The following SRCIN1 variants were observed in gnomAD, a reference collection of about 807,000 sequenced individuals.
SRCIN1 encodes P130Cas-associated protein.
A neutral mutation model predicts 116.2 loss-of-function variants in SRCIN1; 50 were observed. The observed-to-expected ratio is 0.43, with a 90% CI of 0.34 to 0.54. SRCIN1 has a LOEUF of 0.54. SRCIN1 is among the 20% of genes least tolerant of loss of function. The pLI is 0.02. For synonymous variants in SRCIN1, 736 were observed against 750.0 expected, an observed-to-expected ratio of 0.98 and a Z score of 0.30; for missense variants, 1,446 against 1,672.0, an observed-to-expected ratio of 0.86 and a Z score of 2.36.
Position 38,586,503 on chromosome 17 carries a change from G to A in SRCIN1, c.23-7712C>T, listed in dbSNP as rs146508955. On this transcript the variant is annotated intron_variant, in intron 1 of 18. Transcript: ENST00000617146. ...AGGGAAACTGAGGCTCAGGGAGGTC[G>A]AGTGATCTAATCTGAGTCACCACAT... Among the ~76,000 whole-genome samples the A allele has an allele frequency of 3.7e-4, 57 of 152,344 alleles. 1 individual carries two copies. Among genetic ancestry groups the A allele is most frequent in the East Asian group, 7.7e-4 (4 of 5,182 alleles).
At chr17:38,580,055 G>A (rs530764194) in intron 1 of SRCIN1, among the ~76,000 whole-genome samples, 7 of 152,196 alleles carry the variant, frequency 4.6e-5, no homozygotes, top group South Asian at 2.1e-4. Context: ...ATGCACTCCC[G>A]CCCCCGTGTG....
At chr17:38,589,677 C>A (rs1908336050) in intron 1 of SRCIN1, among the ~76,000 whole-genome samples, 1 of 152,228 alleles carries the variant, frequency 6.6e-6, no homozygotes, top group African/African-American at 2.4e-5. Flanking sequence ...AGCGCCTCCA[C>A]CAGGGCGAGG....
chr17:38,547,216 C>T (rs546334740), intron 17 of SRCIN1, among the ~76,000 whole-genome samples: 249 of 152,308 alleles, frequency 1.6e-3, no homozygotes, highest in African/African-American at 5.5e-3. Context: ...AGGCTGTAGA[C>T]GAGCCTACCC....
At position 38,558,997 on chromosome 17, in the gene SRCIN1, A is replaced by G; in HGVS notation, c.2025+588T>C. ...CAAGCCTGAATGGCGGGGGTGGGCAAGATCTTACCCGTTGCCCAGATGGCA... is the reference window on the plus strand; with the variant it reads ...CAAGCCTGAATGGCGGGGGTGGGCAGGATCTTACCCGTTGCCCAGATGGCA... On this transcript the variant is annotated intron_variant, in intron 10 of 18. Transcript: ENST00000617146. This position sits in a 1 kb window ranked among gnomAD's most constrained non-coding sequence, Gnocchi z 4.6. 6.1e-6 allele frequency: 1 copy of G among 162,678 alleles called. No individual in the cohort carries two copies. Among genetic ancestry groups the G allele is most frequent in the Admixed American group, 6.1e-5 (1 of 16,444 alleles). 10.1% of individuals were successfully genotyped at this position (162,678 alleles called of 1,614,324 possible).
At position 38,576,262 on chromosome 17, in the gene SRCIN1, C is replaced by T. The variant is rs555321199; in HGVS notation, c.324+2228G>A. ...AAACTCCCTAACCCATGAAATTGGC[C>T]ATTACTTTACCACACCACGAGACAC... On this transcript the variant is annotated intron_variant, in intron 2 of 18. Coordinates refer to ENST00000617146, the MANE Select transcript of SRCIN1 (RefSeq NM_025248.3). Among the ~76,000 whole-genome samples, 5 of 152,226 alleles carry T rather than the reference C, an allele frequency of 3.3e-5. No homozygotes were observed. In the South Asian group the frequency reaches 1.0e-3, roughly 32 times the overall value.
Position 38,561,547 on chromosome 17 carries a change from G to A in SRCIN1, c.1616C>T (p.Pro539Leu). ...AGGCCCAGGGAAGAGCTCCGAAGGG[G>A]GAGCTCCGGCCGTCGAGGCGCTCCC... ...SAGSASTAGA[P>L]PSELFPGPGE... Residue 539 changes from proline (P) to leucine (L), a missense_variant, in exon 7 of 19, where the codon CCC becomes CTC. Pro to Leu is a moderately conservative substitution (Grantham distance 98, BLOSUM62 -3). Around this residue, in one of 5 missense-constraint regions of SRCIN1, gnomAD observed 398 missense variants for 385.6 expected, o/e 1.03. Coordinates refer to ENST00000617146, the MANE Select transcript of SRCIN1 (RefSeq NM_025248.3). 6.2e-7 allele frequency: 1 copy of A among 1,601,380 alleles called. No homozygotes were observed.
intron 1 of SRCIN1, among the ~76,000 whole-genome samples, chr17:38,594,040 AGGGT>A (rs1195920049): frequency 6.6e-6 from 1 of 152,222 alleles, no homozygotes; most frequent in African/African-American, 2.4e-5. Flanking sequence ...ATTCCAGAAA[AGGGT>A]GGGTGAAAGA....
intron 1 of SRCIN1, among the ~76,000 whole-genome samples, chr17:38,599,122 T>C (rs915019923): frequency 1.6e-4 from 24 of 152,154 alleles, no homozygotes; most frequent in Middle Eastern, 3.4e-3. Flanking sequence ...AAAGCAATAT[T>C]ATCTCAAGGG....
intron 1 of SRCIN1, among the ~76,000 whole-genome samples, chr17:38,595,272 C>T (rs1000139137): frequency 9.2e-5 from 14 of 152,084 alleles, no homozygotes; most frequent in African/African-American, 2.2e-4. Flanking sequence ...GGCTGGAGTG[C>T]GGTGGCGCAA....
In SRCIN1 at chr17:38,562,856, C is replaced by A; in HGVS notation, c.805G>T (p.Gly269Cys). The change falls in exon 6 of 19, where the codon GGC (glycine) becomes TGC (cysteine). Residue 269 changes from glycine to cysteine, a missense_variant. Physicochemically the swap from Gly to Cys is radical, Grantham distance 159. This residue lies in a region of SRCIN1 where 239 missense variants were observed against 317.7 expected (regional missense o/e 0.75). Coordinates refer to ENST00000617146, the MANE Select transcript of SRCIN1 (RefSeq NM_025248.3). This position sits in a 1 kb window ranked among gnomAD's most constrained non-coding sequence, Gnocchi z 4.2. ...RKEPLYAAFPGSHLTNGDLRR... is the reference protein window; with the variant it reads ...RKEPLYAAFPCSHLTNGDLRR... Reference sequence around the variant, plus strand: ...AGGTCCCCGTTGGTGAGATGTGAGCCAGGGAAGGCAGCGTAGAGGGGCTCC... The same window carrying A: ...AGGTCCCCGTTGGTGAGATGTGAGCAAGGGAAGGCAGCGTAGAGGGGCTCC... The A allele has an allele frequency of 6.2e-7, 1 of 1,613,796 alleles. No individual in the cohort carries two copies. Among genetic ancestry groups the A allele is most frequent in the Non-Finnish European group, 8.5e-7 (1 of 1,179,798 alleles).
intron 1 of SRCIN1, among the ~76,000 whole-genome samples, chr17:38,586,507 GATCTA>G (rs1416988674): frequency 6.6e-6 from 1 of 152,206 alleles, no homozygotes; most frequent in African/African-American, 2.4e-5. Context: ...GAGGTCGAGT[GATCTA>G]ATCTGAGTCA....
intron 11 of SRCIN1, among the ~76,000 whole-genome samples, chr17:38,556,699 G>T (rs1292753819): frequency 6.6e-6 from 1 of 152,204 alleles, no homozygotes; most frequent in Non-Finnish European, 1.5e-5. Flanking sequence ...GGAGGATGGA[G>T]AATCCTGCCA....
intron 1 of SRCIN1, among the ~76,000 whole-genome samples, chr17:38,603,081 C>T (rs1909150950): frequency 6.6e-6 from 1 of 152,220 alleles, no homozygotes; most frequent in Non-Finnish European, 1.5e-5. Context: ...CACCCTCTAG[C>T]TCTGACCACA....
Position 38,560,318 on chromosome 17 carries a change from G to A in SRCIN1, c.1793+15C>T, listed in dbSNP as rs769979913. ...CCCCTAGGCCCTGGCAGTGGTGTTGGGAGAGGGGCCTCACCTGGGGGTCTC... is the reference window on the plus strand; with the variant it reads ...CCCCTAGGCCCTGGCAGTGGTGTTGAGAGAGGGGCCTCACCTGGGGGTCTC... On this transcript the variant is annotated intron_variant, in intron 8 of 18. Transcript: ENST00000617146. 6 of 1,600,934 alleles carry A rather than the reference G, an allele frequency of 3.7e-6. No homozygotes were observed. Among genetic ancestry groups the A allele is most frequent in the Non-Finnish European group, 4.3e-6 (5 of 1,173,584 alleles).
chr17:38,568,194 A>G lies in SRCIN1; in HGVS notation c.345+17T>C. On this transcript the variant is annotated intron_variant, in intron 3 of 18. Transcript: ENST00000617146. This position sits in a 1 kb window ranked among gnomAD's most constrained non-coding sequence, Gnocchi z 4.5. ...GCACATGCAGTTGTCATGGGAGCAG[A>G]GGCATCACACACTGACCTTGAAACT... The G allele has an allele frequency of 6.2e-7, 1 of 1,613,140 alleles. No individual in the cohort carries two copies. Among genetic ancestry groups the G allele is most frequent in the Non-Finnish European group, 8.5e-7 (1 of 1,179,626 alleles).
rs560176332 is a variant in SRCIN1 at position 38,559,369 on chromosome 17, G to A, written c.2025+216C>T. 2.9e-5 allele frequency: 17 copies of A among 585,926 alleles called. No individual in the cohort carries two copies. In the South Asian group the frequency reaches 3.3e-4, roughly 11 times the overall value. The allele number at this position is 585,926 out of a possible 1,614,324, so 36.3% of individuals were successfully genotyped here. On this transcript the variant is annotated intron_variant, in intron 10 of 18. Transcript: ENST00000617146. ...GAGGGGGTCACGGGCGAGGGATAAG[G>A]CCTTGGTGAGGAAGTGGAGGTTCAG... is the stretch of plus-strand genomic sequence containing the variant.
At chr17:38,538,120 T>A (rs1904505238) in intron 18 of SRCIN1, among the ~76,000 whole-genome samples, 2 of 138,492 alleles carry the variant, frequency 1.4e-5, no homozygotes, top group South Asian at 2.3e-4. Context: ...AATAAATAAA[T>A]AAAAATAAAA....
intron 18 of SRCIN1, among the ~76,000 whole-genome samples, chr17:38,534,088 A>C (rs1478862540): frequency 6.6e-6 from 1 of 152,176 alleles, no homozygotes; most frequent in Non-Finnish European, 1.5e-5. Context: ...CCAGTTGGTA[A>C]CAGGAGGCTA....
Position 38,602,699 on chromosome 17 carries a change from A to G in SRCIN1, c.22+2985T>C, listed in dbSNP as rs1438916247. 6.6e-6 allele frequency: 1 copy of G among 152,278 alleles called. No individual in the cohort carries two copies. The highest frequency in any genetic ancestry group is 1.5e-5 in the Non-Finnish European group (1 of 68,058). The allele number at this position is 152,278 out of a possible 1,614,324, so 9.4% of individuals were successfully genotyped here. On this transcript the variant is annotated intron_variant, in intron 1 of 18. Coordinates refer to ENST00000617146, the MANE Select transcript of SRCIN1 (RefSeq NM_025248.3). This position sits in a 1 kb window ranked among gnomAD's most constrained non-coding sequence, Gnocchi z 4.2. ...GGCTTGGAGGAGATAAATGCTTGAG[A>G]TTCCTCGAAAGAGCAGCTTTTATGG... is the stretch of plus-strand genomic sequence containing the variant.
Sources: allele counts gnomAD v4.1 joint callset (sites outside exome capture counted in the v4.1 genomes callset), GRCh38; gene constraint gnomAD v4.1.1; regional missense constraint gnomAD v4.1.1; non-coding constraint Gnocchi (gnomAD v3.1); transcripts MANE v1.5; gene names NCBI Gene and HGNC (gene_info 2026-07-23, HGNC 2026-07-21).